TBCK: variants seen among roughly 807,000 people sequenced by gnomAD.
TBCK encodes the protein TBC1 domain containing kinase.
Under a neutral mutation model 113.4 loss-of-function variants are expected in TBCK, and 99 were observed. The ratio of observed to expected loss-of-function variants is 0.87; its 90% CI spans 0.74 to 1.03. The LOEUF (loss-of-function observed/expected upper bound fraction) is 1.03, where lower values mean the gene tolerates loss of function less well. TBCK is among the 50% of genes least tolerant of loss of function. The pLI is 0.00. For synonymous variants in TBCK, 369 were observed against 370.8 expected (o/e 1.00, Z 0.05); for missense variants, 1,045 against 1,061.3 (o/e 0.98, Z 0.21).
chr4:106,123,626 T>C (rs1269419969), intron 23 of TBCK, among the ~76,000 whole-genome samples: 4 of 152,068 alleles, frequency 2.6e-5, no homozygotes, highest in Non-Finnish European at 5.9e-5. Flanking sequence ...CAAACTATAC[T>C]ACAAGGCTAC....
At chr4:106,078,348 G>A (rs1172103998) in intron 25 of TBCK, among the ~76,000 whole-genome samples, 1 of 152,076 alleles carries the variant, frequency 6.6e-6, no homozygotes, top group Non-Finnish European at 1.5e-5. Context: ...GCCCCCAAAA[G>A]TTGGTTCTTC....
chr4:106,139,579 A>T (rs1312883960), intron 23 of TBCK, among the ~76,000 whole-genome samples: 1 of 141,298 alleles, frequency 7.1e-6, no homozygotes, highest in Non-Finnish European at 1.6e-5. Context: ...AATGTCTACA[A>T]TGTGTTTAGC....
chr4:106,235,925 C>T (rs1351156608), intron 14 of TBCK, among the ~76,000 whole-genome samples: 1 of 152,004 alleles, frequency 6.6e-6, no homozygotes, highest in African/African-American at 2.4e-5. Flanking sequence ...TCAGTACATT[C>T]ACATTTATTC....
intron 20 of TBCK, among the ~76,000 whole-genome samples, chr4:106,198,326 A>T (rs1754493133): frequency 6.6e-6 from 1 of 152,138 alleles, no homozygotes; most frequent in African/African-American, 2.4e-5. Context: ...AACAGTAACA[A>T]CCTGCAAATT....
intron 23 of TBCK, among the ~76,000 whole-genome samples, chr4:106,135,010 C>CA (rs974204756): frequency 1.3e-5 from 2 of 151,934 alleles, no homozygotes; most frequent in Non-Finnish European, 2.9e-5. Flanking sequence ...AATTGGATCC[C>CA]AAATGAAGCA....
chr4:106,056,268 AT>A (rs371739787), intron 25 of TBCK, among the ~76,000 whole-genome samples: 15,883 of 136,518 alleles, frequency 0.12, 1,073 homozygotes, highest in African/African-American at 0.23. Context: ...TTTTTAATTA[AT>A]TTTTTTTTTT....
intron 25 of TBCK, among the ~76,000 whole-genome samples, chr4:106,071,977 G>A (rs1737518622): frequency 6.6e-6 from 1 of 151,738 alleles, no homozygotes; most frequent in Non-Finnish European, 1.5e-5. Flanking sequence ...CCTTTATTTT[G>A]AGCCTATGTG....
chr4:106,069,648 G>A (rs1370835605), intron 25 of TBCK, among the ~76,000 whole-genome samples: 4 of 152,146 alleles, frequency 2.6e-5, no homozygotes, highest in African/African-American at 7.2e-5. Flanking sequence ...GGTTCCATAT[G>A]AACTTTAAAG....
chr4:106,198,570 G>A (rs762516441), intron 20 of TBCK, among the ~76,000 whole-genome samples: 5 of 151,930 alleles, frequency 3.3e-5, no homozygotes, highest in African/African-American at 4.8e-5. Context: ...CACTTGTTCT[G>A]TGAAAACTTT....
At chr4:106,070,054 G>A (rs1019958613) in intron 25 of TBCK, among the ~76,000 whole-genome samples, 37 of 152,006 alleles carry the variant, frequency 2.4e-4, no homozygotes, top group African/African-American at 8.9e-4. Context: ...AGACGATGGG[G>A]TTTTCTAAAT....
At chr4:106,175,358 A>ATT (rs34198925) in intron 22 of TBCK, among the ~76,000 whole-genome samples, 15 of 137,278 alleles carry the variant, frequency 1.1e-4, no homozygotes, top group African/African-American at 1.9e-4. Context: ...ATCAGATTGA[A>ATT]TTTTTTTTTT....
At chr4:106,178,226 T>C (rs776218648) in intron 22 of TBCK, among the ~76,000 whole-genome samples, 3 of 151,988 alleles carry the variant, frequency 2.0e-5, no homozygotes, top group Non-Finnish European at 2.9e-5. Context: ...TTTGGTGAAG[T>C]CTTGAGGGTT....
chr4:106,075,735 G>C (rs1353537092), intron 25 of TBCK, among the ~76,000 whole-genome samples: 4 of 152,188 alleles, frequency 2.6e-5, no homozygotes, highest in East Asian at 3.8e-4. Flanking sequence ...TAAGATATTA[G>C]AAAACATTTG....
chr4:106,153,929 T>G (rs1191270859), intron 23 of TBCK, among the ~76,000 whole-genome samples: 9 of 152,134 alleles, frequency 5.9e-5, no homozygotes, highest in Admixed American at 5.9e-4. Flanking sequence ...CATCCCCTTA[T>G]TTTTAGTCAA....
At chr4:106,120,487 C>T (rs1183560074) in intron 23 of TBCK, among the ~76,000 whole-genome samples, 4 of 152,288 alleles carry the variant, frequency 2.6e-5, no homozygotes, top group South Asian at 2.1e-4. Context: ...GCCTGCCTGC[C>T]TCTGTAGGCT....
At chr4:106,235,201 A>G (rs1420710778) in intron 15 of TBCK, 68 bp downstream of exon 15, 8 of 964,124 alleles carry the variant, frequency 8.3e-6, no homozygotes, top group Non-Finnish European at 1.2e-5. Flanking sequence ...TATATTTGGA[A>G]AGCACTCTCC....
At chr4:106,115,303 G>C (rs549897691) in intron 24 of TBCK, among the ~76,000 whole-genome samples, 1 of 152,198 alleles carries the variant, frequency 6.6e-6, no homozygotes, top group South Asian at 2.1e-4. Context: ...GAACTGGTAA[G>C]TATATACATA....
chr4:106,303,187 A>G (rs919043583), intron 2 of TBCK, among the ~76,000 whole-genome samples: 2 of 152,176 alleles, frequency 1.3e-5, no homozygotes, highest in African/African-American at 4.8e-5. Flanking sequence ...TAATTGGTAA[A>G]TATATGACAT....
At chr4:106,254,191 T>C (rs1249714908) in intron 5 of TBCK, among the ~76,000 whole-genome samples, 2 of 152,218 alleles carry the variant, frequency 1.3e-5, no homozygotes, top group Admixed American at 6.5e-5. Context: ...ACTCTCTGCC[T>C]GGCATGTACA....
Sources: gnomAD v4.1 joint callset for allele counts (sites outside exome capture counted in the v4.1 genomes callset) on GRCh38, gnomAD v4.1.1 for gene constraint, MANE v1.5 for transcripts, NCBI Gene and HGNC (gene_info 2026-07-23, HGNC 2026-07-21) for gene names.